The following ERBB4 variants were observed in gnomAD, a reference collection of about 807,000 sequenced individuals.
The protein encoded by ERBB4 is receptor tyrosine-protein kinase erbB-4.
ERBB4 carries 42 observed loss-of-function variants against 158.0 expected under a neutral mutation model. The observed-to-expected ratio is 0.27, with a 90% CI of 0.21 to 0.34. The LOEUF (loss-of-function observed/expected upper bound fraction) is 0.34, where lower values mean the gene tolerates loss of function less well. Ranked by LOEUF, ERBB4 falls within the 10% of genes least tolerant of loss-of-function variation. The pLI, the probability that ERBB4 is intolerant of heterozygous loss-of-function variation, is 1.00. For missense variants in ERBB4, 1,333 were observed against 1,624.1 expected (o/e 0.82, Z 3.08); for synonymous variants, 583 against 558.7 (o/e 1.04, Z -0.61).
At chr2:212,534,403 G>T (rs1284048860) in intron 1 of ERBB4, among the ~76,000 whole-genome samples, 2 of 152,170 alleles carry the variant, frequency 1.3e-5, no homozygotes, top group South Asian at 4.2e-4. Flanking sequence ...AAGGGTAAGA[G>T]GGACTTCTCT....
In ERBB4 at chr2:211,813,565, C is replaced by T. The variant is rs2076808824; in HGVS notation, c.422-25406G>A. 2.0e-5 allele frequency among the ~76,000 whole-genome samples: 3 copies of T among 152,238 alleles called. No homozygotes were observed. The South Asian group carries it at 6.2e-4, about 32-fold the overall frequency. ...ACATTTTCTATCCCGTTTATCTTTG[C>T]ATGCAGTGAATGTTTTTAATCATGT... is the stretch of plus-strand genomic sequence containing the variant. On this transcript the variant is annotated intron_variant, in intron 3 of 27. Coordinates refer to ENST00000342788, the MANE Select transcript of ERBB4 (RefSeq NM_005235.3).
At chr2:211,506,457 C>T (rs909975402) in intron 20 of ERBB4, among the ~76,000 whole-genome samples, 3 of 151,872 alleles carry the variant, frequency 2.0e-5, no homozygotes, top group Non-Finnish European at 2.9e-5. Flanking sequence ...ACAGAGTATC[C>T]TTTTTTTTCT....
chr2:211,617,000 A>G (rs2069415219), intron 19 of ERBB4, among the ~76,000 whole-genome samples: 2 of 152,126 alleles, frequency 1.3e-5, no homozygotes, highest in South Asian at 4.1e-4. Context: ...TCAAGCTGCC[A>G]TCTCCACTCT....
chr2:211,476,382 T>A (rs1036497946), intron 20 of ERBB4, among the ~76,000 whole-genome samples: 1 of 151,998 alleles, frequency 6.6e-6, no homozygotes, highest in Non-Finnish European at 1.5e-5. Context: ...CACTGGGATA[T>A]TTTGGGTAGG....
At chr2:212,024,328 T>TAA (rs76226382) in intron 2 of ERBB4, among the ~76,000 whole-genome samples, 2 of 150,754 alleles carry the variant, frequency 1.3e-5, no homozygotes, top group African/African-American at 2.4e-5. Context: ...GCAAAGCACA[T>TAA]AAAAAAAAAC....
At chr2:211,793,738 C>T (rs373772190) in intron 3 of ERBB4, among the ~76,000 whole-genome samples, 1 of 151,984 alleles carries the variant, frequency 6.6e-6, no homozygotes, top group East Asian at 1.9e-4. Flanking sequence ...TTCCCAAACC[C>T]AGACCTTTCA....
At chr2:212,034,955 AG>A (rs1315342149) in intron 2 of ERBB4, among the ~76,000 whole-genome samples, 1 of 152,214 alleles carries the variant, frequency 6.6e-6, no homozygotes, top group Non-Finnish European at 1.5e-5. Flanking sequence ...CATGAAAATT[AG>A]GTTATGTTAA....
chr2:212,398,875 A>T (rs7592032), intron 1 of ERBB4, among the ~76,000 whole-genome samples: 85,607 of 151,972 alleles, frequency 0.56, 25,097 homozygotes, highest in African/African-American at 0.7. Context: ...TATTAGTGTA[A>T]AAATATGTTT....
chr2:212,096,402 T>C (rs2078935077), intron 2 of ERBB4, among the ~76,000 whole-genome samples: 1 of 152,094 alleles, frequency 6.6e-6, no homozygotes, highest in Admixed American at 6.5e-5. Flanking sequence ...GAGAACTTGG[T>C]GAAAATGTTA....
At chr2:212,523,924 A>C (rs1692309052) in intron 1 of ERBB4, among the ~76,000 whole-genome samples, 1 of 151,952 alleles carries the variant, frequency 6.6e-6, no homozygotes, top group Admixed American at 6.6e-5. Flanking sequence ...AAACTCCTTG[A>C]TGGTGTTTAA....
At chr2:212,458,639 T>A (rs1201767400) in intron 1 of ERBB4, among the ~76,000 whole-genome samples, 2 of 151,028 alleles carry the variant, frequency 1.3e-5, no homozygotes, top group Non-Finnish European at 3.0e-5. Flanking sequence ...AAAAAAAAAA[T>A]CATTCGAGCA....
At chr2:211,796,189 T>C (rs2076378508) in intron 3 of ERBB4, among the ~76,000 whole-genome samples, 1 of 151,924 alleles carries the variant, frequency 6.6e-6, no homozygotes, top group South Asian at 2.1e-4. Flanking sequence ...AGAACCCTGA[T>C]CCTGACTTTG....
intron 3 of ERBB4, among the ~76,000 whole-genome samples, chr2:211,925,887 A>C (rs1020269501): frequency 6.6e-6 from 1 of 152,064 alleles, no homozygotes; most frequent in East Asian, 1.9e-4. Context: ...AATTGGAGGA[A>C]CAGATCACAT....
intron 1 of ERBB4, among the ~76,000 whole-genome samples, chr2:212,373,699 C>T (rs892941532): frequency 7.0e-6 from 1 of 143,738 alleles, no homozygotes; most frequent in East Asian, 2.0e-4. Context: ...ACATATATAT[C>T]CATATATATA....
intron 3 of ERBB4, among the ~76,000 whole-genome samples, chr2:211,789,050 T>C (rs2076227809): frequency 6.6e-6 from 1 of 152,170 alleles, no homozygotes; most frequent in South Asian, 2.1e-4. Flanking sequence ...CTCTTTCGGA[T>C]AGCTTTAAGT....
intron 16 of ERBB4, 122 bp from the exon 17 acceptor site, chr2:211,630,716 A>T: frequency 1.1e-6 from 1 of 910,994 alleles, no homozygotes; most frequent in Non-Finnish European, 1.7e-6. Context: ...TTTAGATGAA[A>T]TGCAAATATA....
intron 20 of ERBB4, among the ~76,000 whole-genome samples, chr2:211,466,837 A>C (rs1425190728): frequency 6.6e-6 from 1 of 152,066 alleles, no homozygotes; most frequent in African/African-American, 2.4e-5. Flanking sequence ...GCAGAGAAAA[A>C]ATTCCCACCT....
At chr2:212,343,321 A>G (rs1368575193) in intron 1 of ERBB4, among the ~76,000 whole-genome samples, 1 of 152,172 alleles carries the variant, frequency 6.6e-6, no homozygotes, top group Admixed American at 6.6e-5. Context: ...AGAGAAACAA[A>G]GTGTCTATTG....
chr2:212,308,385 G>A (rs1347653949), intron 1 of ERBB4, among the ~76,000 whole-genome samples: 1 of 150,942 alleles, frequency 6.6e-6, no homozygotes, highest in Non-Finnish European at 1.5e-5. Flanking sequence ...AGTTATAAAT[G>A]AATGAGTCTG....
Sources: allele counts gnomAD v4.1 joint callset (sites outside exome capture counted in the v4.1 genomes callset), GRCh38; gene constraint gnomAD v4.1.1; transcripts MANE v1.5; gene names NCBI Gene and HGNC (gene_info 2026-07-23, HGNC 2026-07-21).